AMPD3: variants seen among roughly 807,000 people sequenced by gnomAD.
AMPD3 encodes AMP deaminase 3.
A neutral mutation model predicts 82.3 loss-of-function variants in AMPD3; 57 were observed. That is an observed-to-expected ratio of 0.69 (90% CI 0.56 to 0.86). The LOEUF (loss-of-function observed/expected upper bound fraction) is 0.86, where lower values mean the gene tolerates loss of function less well. AMPD3 is among the 40% of genes least tolerant of loss of function. The pLI, the probability that AMPD3 is intolerant of heterozygous loss-of-function variation, is 0.00. For missense variants in AMPD3, 870 were observed against 1,003.8 expected (o/e 0.87, Z 1.80); for synonymous variants, 381 against 394.7 (o/e 0.97, Z 0.41).
intron 2 of AMPD3, among the ~76,000 whole-genome samples, chr11:10,477,708 G>C (rs975898117): frequency 6.6e-6 from 1 of 152,186 alleles, no homozygotes; most frequent in African/African-American, 2.4e-5. Context: ...CTCTAGCAGC[G>C]GCAGTCAGGA....
intron 6 of AMPD3, among the ~76,000 whole-genome samples, chr11:10,491,096 T>C (rs961583174): frequency 6.6e-6 from 1 of 152,206 alleles, no homozygotes; most frequent in African/African-American, 2.4e-5. Context: ...CAGCATTCCC[T>C]GCCCTGAGGT....
At chr11:10,459,785 T>C (rs939549959) in intron 1 of AMPD3, among the ~76,000 whole-genome samples, 2 of 151,726 alleles carry the variant, frequency 1.3e-5, no homozygotes, top group African/African-American at 4.8e-5. Context: ...CAGCACAGCA[T>C]GGTGGGTGAG....
At chr11:10,466,787 G>A (rs1427113274) in intron 2 of AMPD3, among the ~76,000 whole-genome samples, 1 of 152,198 alleles carries the variant, frequency 6.6e-6, no homozygotes, top group Non-Finnish European at 1.5e-5. Flanking sequence ...TCTCATACAG[G>A]AGAGCTCTGG....
At chr11:10,502,616 C>A in intron 12 of AMPD3, 105 bp from the exon 13 acceptor site, 2 of 1,590,802 alleles carry the variant, frequency 1.3e-6, no homozygotes, top group Non-Finnish European at 1.7e-6. Flanking sequence ...ATGGTTCAGA[C>A]CCCTGGTTTC....
chr11:10,460,489 C>T, intron 1 of AMPD3, among the ~76,000 whole-genome samples: 1 of 151,296 alleles, frequency 6.6e-6, no homozygotes, highest in East Asian at 1.9e-4. Context: ...TCATTGCAAC[C>T]TTCACCTCCT....
At chr11:10,496,996 G>A (rs771946824) in intron 10 of AMPD3, 58 bp downstream of exon 10, 29 of 1,597,688 alleles carry the variant, frequency 1.8e-5, no homozygotes, top group Non-Finnish European at 2.3e-5. Context: ...GAATGGATTC[G>A]CTGTGAGCTG....
Position 10,484,950 on chromosome 11 carries a change from C to T in AMPD3, c.720C>T (p.His240=), listed in dbSNP as rs1413263350. The T allele has an allele frequency of 1.2e-6, 2 of 1,613,922 alleles. No individual in the cohort carries two copies. The highest frequency in any genetic ancestry group is 1.3e-5 in the African/African-American group (1 of 74,868). ...ATGATAACAAGAAGATGCTGGAGCA[C>T]CAGGAGCCGCACAGCCTACCCTACC... ...FVYDNKKMLE[H]QEPHSLPYPD... Residue 240 remains histidine, a synonymous_variant, in exon 5 of 15, where the codon CAC becomes CAT. Transcript: ENST00000396553.
rs1313359225 is a variant in AMPD3 at position 10,484,917 on chromosome 11, C to T, written c.687C>T (p.Leu229=). The change falls in exon 5 of 15, where the codon CTC becomes CTT. Residue 229 remains leucine (L), a synonymous_variant. Coordinates refer to ENST00000396553, the MANE Select transcript of AMPD3 (RefSeq NM_001025389.2). ...TGGTCCACATGCAGGGGGGCATCCTCTTTGTGTATGATAACAAGAAGATGC... is the reference window on the plus strand; with the variant it reads ...TGGTCCACATGCAGGGGGGCATCCTTTTTGTGTATGATAACAAGAAGATGC... ...DYLVHMQGGI[L]FVYDNKKMLE... 1 of 1,614,128 alleles carries T rather than the reference C, an allele frequency of 6.2e-7. No individual in the cohort carries two copies. The highest frequency in any genetic ancestry group is 1.1e-5 in the South Asian group (1 of 91,072).
intron 9 of AMPD3, 54 bp from the exon 10 acceptor site, chr11:10,496,758 C>T: frequency 6.2e-7 from 1 of 1,613,788 alleles, no homozygotes; most frequent in Non-Finnish European, 8.5e-7. Context: ...TGGTCTCTGA[C>T]AGGGCAGCAG....
chr11:10,501,204 C>T (rs577236810), intron 11 of AMPD3: 1 of 985,388 alleles, frequency 1.0e-6, no homozygotes, highest in Non-Finnish European at 1.2e-6. Flanking sequence ...GAGAGGAATT[C>T]AGGAGAGTGG....
chr11:10,465,612 A>G (rs917882327), intron 2 of AMPD3, among the ~76,000 whole-genome samples: 40 of 152,110 alleles, frequency 2.6e-4, no homozygotes, highest in African/African-American at 9.4e-4. Context: ...AGCACAAGGG[A>G]TGGGGGAATT....
chr11:10,461,305 C>G, intron 1 of AMPD3: 1 of 1,553,378 alleles, frequency 6.4e-7, no homozygotes, highest in Non-Finnish European at 8.7e-7. Flanking sequence ...CTTGCTTTCT[C>G]CTGACACCTA....
intron 9 of AMPD3, chr11:10,496,314 T>C: frequency 1.0e-6 from 1 of 985,410 alleles, no homozygotes; most frequent in Non-Finnish European, 1.2e-6. Context: ...GGATGGATTG[T>C]CCTTTTGGTG....
chr11:10,473,157 C>G (rs1848642321), intron 2 of AMPD3, among the ~76,000 whole-genome samples: 1 of 152,160 alleles, frequency 6.6e-6, no homozygotes, highest in Non-Finnish European at 1.5e-5. Context: ...ATGGTTCCAG[C>G]TTTTTGGTAG....
intron 1 of AMPD3, among the ~76,000 whole-genome samples, chr11:10,455,728 T>C (rs1848073083): frequency 6.6e-6 from 1 of 152,136 alleles, no homozygotes. Context: ...TCATGGTCTT[T>C]CCCTTTCAGA....
In AMPD3 at chr11:10,487,109, T is replaced by C. The variant is rs1457793354; in HGVS notation, c.810-126T>C. 3 of 1,571,598 alleles carry C rather than the reference T, an allele frequency of 1.9e-6. No homozygotes were observed. The East Asian group carries it at 6.8e-5, about 36-fold the overall frequency. On this transcript the variant is annotated intron_variant, in intron 5 of 14. Coordinates refer to ENST00000396553, the MANE Select transcript of AMPD3 (RefSeq NM_001025389.2). ...GCAGGGTCTGTAGAAAGCCAGAACC[T>C]CCTCATTCCGCCCTGCTCCGTCCTG...
intron 13 of AMPD3, chr11:10,503,840 A>T: frequency 2.8e-6 from 1 of 358,286 alleles, no homozygotes; most frequent in Non-Finnish European, 3.9e-6. Flanking sequence ...TCATGAAAAT[A>T]CATAATTGGA....
At chr11:10,477,560 G>A (rs1010354689) in intron 2 of AMPD3, among the ~76,000 whole-genome samples, 4 of 152,172 alleles carry the variant, frequency 2.6e-5, no homozygotes, top group Admixed American at 2.0e-4. Flanking sequence ...ATAAGCATGG[G>A]CTTGTGGCAT....
In AMPD3 at chr11:10,482,239, G is replaced by A; in HGVS notation, c.589+14G>A. 6.2e-7 allele frequency: 1 copy of A among 1,610,498 alleles called. No individual in the cohort carries two copies. Among genetic ancestry groups the A allele is most frequent in the Non-Finnish European group, 8.5e-7 (1 of 1,178,738 alleles). On this transcript the variant is annotated intron_variant, in intron 4 of 14. Coordinates refer to ENST00000396553, the MANE Select transcript of AMPD3 (RefSeq NM_001025389.2). ...AGGGCCTTCCAGGTATGGAGCTCTG[G>A]CTGGAGGTTGGGTCCCAAGTGTGGG...
Sources: gnomAD v4.1 joint callset for allele counts (sites outside exome capture counted in the v4.1 genomes callset) on GRCh38, gnomAD v4.1.1 for gene constraint, MANE v1.5 for transcripts, NCBI Gene and HGNC (gene_info 2026-07-23, HGNC 2026-07-21) for gene names.